UBE2H: variants seen among roughly 807,000 people sequenced by gnomAD.
UBE2H encodes ubiquitin-conjugating enzyme E2 H.
UBE2H carries 3 observed loss-of-function variants against 29.0 expected under a neutral mutation model. That is an observed-to-expected ratio of 0.10 (90% confidence interval 0.05 to 0.27). The LOEUF (loss-of-function observed/expected upper bound fraction) is 0.27, where lower values mean the gene tolerates loss of function less well. Ranked by LOEUF, UBE2H falls within the 10% of genes least tolerant of loss-of-function variation. The pLI is 1.00. For missense variants in UBE2H, 68 were observed against 228.2 expected (o/e 0.30, Z 4.52); for synonymous variants, 69 against 82.9 (o/e 0.83, Z 0.91).
rs189173506 is a variant in UBE2H at position 129,861,491 on chromosome 7, T to C, written c.206-2550A>G. Among the ~76,000 whole-genome samples the C allele has an allele frequency of 1.3e-3, 199 of 152,300 alleles. 1 individual carries two copies. Among genetic ancestry groups the C allele is most frequent in the African/African-American group, 4.5e-3 (185 of 41,572 alleles). On this transcript the variant is annotated intron_variant, in intron 3 of 6. Coordinates refer to ENST00000355621, the MANE Select transcript of UBE2H (RefSeq NM_003344.4). ...AGAAAACAGGTGTGGATGGTTGTCA[T>C]GTTTGCAAGATTCTCCCATTATTTC...
chr7:129,912,608 AAGTAT>A (rs1806959504), intron 1 of UBE2H, among the ~76,000 whole-genome samples: 1 of 152,312 alleles, frequency 6.6e-6, no homozygotes, highest in Middle Eastern at 3.4e-3. Context: ...AGTTTGTGTT[AAGTAT>A]TTATGTGTGG....
In UBE2H at chr7:129,941,746, T is replaced by TC. The variant is rs1807646192; in HGVS notation, c.53+10756_53+10757insG. On this transcript the variant is annotated intron_variant, in intron 1 of 6. Transcript: ENST00000355621. ...GCCACTGAATCCAGCTTTAATTTTTTTTTAGCAACACACATGTAAATGTCC... is the reference window on the plus strand; with the variant it reads ...GCCACTGAATCCAGCTTTAATTTTTTCTTTAGCAACACACATGTAAATGTCC... Among the ~76,000 whole-genome samples, 3 of 151,684 alleles carry TC rather than the reference T, an allele frequency of 2.0e-5. No homozygotes were observed. In the South Asian group the frequency reaches 6.3e-4, roughly 32 times the overall value.
chr7:129,887,162 A>T (rs952141606), intron 1 of UBE2H, among the ~76,000 whole-genome samples: 3 of 151,980 alleles, frequency 2.0e-5, no homozygotes, highest in African/African-American at 7.2e-5. Flanking sequence ...AAGCTTAGCT[A>T]CTAGAGCTAA....
intron 1 of UBE2H, among the ~76,000 whole-genome samples, chr7:129,908,711 T>A (rs1431651736): frequency 2.6e-5 from 4 of 152,198 alleles, no homozygotes; most frequent in Non-Finnish European, 5.9e-5. Context: ...AGCAAATAAT[T>A]GTTTAAACAC....
intron 1 of UBE2H, chr7:129,948,904 G>C (rs1807817652): frequency 2.6e-6 from 1 of 380,946 alleles, no homozygotes; most frequent in African/African-American, 2.1e-5. Context: ...ACCACTCAGA[G>C]GGCCTCCCCA....
intron 1 of UBE2H, among the ~76,000 whole-genome samples, chr7:129,893,831 T>C (rs892233758): frequency 1.3e-5 from 2 of 152,170 alleles, no homozygotes; most frequent in Admixed American, 6.5e-5. Flanking sequence ...CTAAATAGTA[T>C]ATTACTCTCT....
intron 1 of UBE2H, among the ~76,000 whole-genome samples, chr7:129,952,233 C>T (rs1807891793): frequency 6.6e-6 from 1 of 152,100 alleles, no homozygotes; most frequent in East Asian, 1.9e-4. Context: ...TCTCGGGAGT[C>T]CAAACGTCGC....
chr7:129,841,621 G>C (rs1308966444), intron 5 of UBE2H, among the ~76,000 whole-genome samples: 2 of 152,168 alleles, frequency 1.3e-5, no homozygotes, highest in Non-Finnish European at 2.9e-5. Flanking sequence ...ATGGGCTAGA[G>C]GGTCCCATGA....
chr7:129,946,554 C>T (rs1807769942), intron 1 of UBE2H, among the ~76,000 whole-genome samples: 1 of 152,164 alleles, frequency 6.6e-6, no homozygotes, highest in Non-Finnish European at 1.5e-5. Flanking sequence ...GCATCATCTG[C>T]GAACTTCTTA....
At chr7:129,857,434 C>A (rs1403879908) in intron 5 of UBE2H, 77 bp downstream of exon 5, 3 of 1,490,144 alleles carry the variant, frequency 2.0e-6, no homozygotes, top group African/African-American at 2.8e-5. Context: ...CATCTTAAAC[C>A]AGAAAAGAAA....
At position 129,876,172 on chromosome 7, in the gene UBE2H, G is replaced by A. The variant is rs150073286; in HGVS notation, c.205+3396C>T. Among the ~76,000 whole-genome samples the A allele has an allele frequency of 3.3e-3, 506 of 152,206 alleles. 2 individuals carry two copies. The highest frequency in any genetic ancestry group is 0.011 in the African/African-American group (475 of 41,540). The stretch of plus-strand genomic sequence containing the variant: ...TGTCCAGCAGGATGCCAGGTACCCC[G>A]AGTTTTAATACACTGGTCATATCAA... On this transcript the variant is annotated intron_variant, in intron 3 of 6. Transcript: ENST00000355621.
intron 3 of UBE2H, among the ~76,000 whole-genome samples, chr7:129,877,028 A>AC (rs1806157725): frequency 6.6e-6 from 1 of 152,164 alleles, no homozygotes; most frequent in African/African-American, 2.4e-5. Flanking sequence ...AAATAATGAC[A>AC]CCCTTTAAGG....
chr7:129,929,257 C>A (rs567390605), intron 1 of UBE2H, among the ~76,000 whole-genome samples: 2 of 147,776 alleles, frequency 1.4e-5, no homozygotes, highest in Admixed American at 7.0e-5. Context: ...GCAGAGGTTG[C>A]GGTGAGCCAA....
chr7:129,893,698 T>G (rs943997562), intron 1 of UBE2H, among the ~76,000 whole-genome samples: 2 of 152,266 alleles, frequency 1.3e-5, no homozygotes, highest in African/African-American at 4.8e-5. Flanking sequence ...CAATAGCTCC[T>G]TAATAAACAA....
chr7:129,857,232 T>C (rs1299833156), intron 5 of UBE2H: 6 of 384,770 alleles, frequency 1.6e-5, no homozygotes, highest in African/African-American at 6.3e-5. Context: ...TGTTTGCACA[T>C]GTATTCATGT....
chr7:129,919,100 T>TAAAAAAAAAAAAAAAAAAAAAGA (rs1807103865), intron 1 of UBE2H, among the ~76,000 whole-genome samples: 4 of 72,094 alleles, frequency 5.5e-5, no homozygotes, highest in Admixed American at 1.7e-4. Context: ...AAAAACAAAG[T>TAAAAAAAAAAAAAAAAAAAAAGA]AAAAAAAAAA....
chr7:129,922,144 C>T (rs985792631), intron 1 of UBE2H, among the ~76,000 whole-genome samples: 2 of 151,738 alleles, frequency 1.3e-5, no homozygotes, highest in African/African-American at 2.4e-5. Flanking sequence ...CCAGCCACCA[C>T]GCCTGGCTAA....
intron 1 of UBE2H, among the ~76,000 whole-genome samples, chr7:129,897,688 T>C (rs924371730): frequency 6.6e-5 from 10 of 152,154 alleles, no homozygotes; most frequent in African/African-American, 1.9e-4. Context: ...CAAATGAATA[T>C]GGCTTTATTC....
chr7:129,926,508 CAAA>C (rs535498835), intron 1 of UBE2H, among the ~76,000 whole-genome samples: 1 of 124,940 alleles, frequency 8.0e-6, no homozygotes, highest in African/African-American at 3.0e-5. Flanking sequence ...AACTCCGTCT[CAAA>C]AAAAAAAAAA....
Sources: allele counts gnomAD v4.1 joint callset (sites outside exome capture counted in the v4.1 genomes callset), GRCh38; gene constraint gnomAD v4.1.1; transcripts MANE v1.5; gene names NCBI Gene and HGNC (gene_info 2026-07-23, HGNC 2026-07-21).